The following GRHPR variants were observed in gnomAD, a reference collection of about 807,000 sequenced individuals.
GRHPR encodes the protein glyoxylate reductase/hydroxypyruvate reductase.
Under a neutral mutation model 36.8 loss-of-function variants are expected in GRHPR, and 35 were observed. That is an observed-to-expected ratio of 0.95 (90% CI 0.73 to 1.26). GRHPR has a LOEUF of 1.26. Ranked by LOEUF, GRHPR falls within the 50% of genes most tolerant of loss-of-function variation. GRHPR has a pLI of 0.00. For synonymous variants in GRHPR, 179 were observed against 181.0 expected (o/e 0.99, Z 0.09); for missense variants, 380 against 435.0 (o/e 0.87, Z 1.12).
In GRHPR at chr9:37,436,753, G is replaced by A. The variant is rs1331106064; in HGVS notation, c.958G>A (p.Glu320Lys). The change falls in exon 9 of 9, where the codon GAG (glutamate) becomes AAG (lysine). Residue 320 changes from glutamate to lysine, a missense_variant. Physicochemically the swap from Glu to Lys is moderately conservative, Grantham distance 56 (BLOSUM62 1). Transcript: ENST00000318158. ...CAACTTGCTGGCTGGCCTGAGAGGG[G>A]AGCCGATGCCTAGTGAACTCAAGCT... ...ANNLLAGLRG[E>K]PMPSELKL is the part of the protein sequence containing the mutation. The A allele has an allele frequency of 1.9e-6, 3 of 1,614,064 alleles. No individual in the cohort carries two copies. Among genetic ancestry groups the A allele is most frequent in the Non-Finnish European group, 2.5e-6 (3 of 1,179,956 alleles).
At chr9:37,422,585 T>C (rs995971359), upstream of GRHPR, 5 of 658,514 alleles carry the variant, frequency 7.6e-6, no homozygotes, top group African/African-American at 1.8e-5. Flanking sequence ...GCACGCACAG[T>C]CACCGCTCAG....
chr9:37,425,774 G>T, intron 2 of GRHPR, 148 bp from the exon 3 acceptor site: 1 of 655,580 alleles, frequency 1.5e-6, no homozygotes. Context: ...TGTCAAAGGG[G>T]ATTATTCAGA....
At chr9:37,426,725 G>A (rs915922104) in intron 4 of GRHPR, 71 bp downstream of exon 4, 18 of 855,348 alleles carry the variant, frequency 2.1e-5, no homozygotes, top group African/African-American at 3.3e-5. Flanking sequence ...CAAAGTGAGC[G>A]GATCATGAGG....
At chr9:37,425,885 G>A (rs751024242) in intron 2 of GRHPR, 37 bp from the exon 3 acceptor site, 20 of 1,477,960 alleles carry the variant, frequency 1.4e-5, no homozygotes, top group South Asian at 6.8e-5. Flanking sequence ...TGAGTTCCTC[G>A]AGGAAAGATA....
In GRHPR at chr9:37,422,800, C is replaced by G; in HGVS notation, c.50C>G (p.Ala17Gly). 1 of 1,602,954 alleles carries G rather than the reference C, an allele frequency of 6.2e-7. No homozygotes were observed. The highest frequency in any genetic ancestry group is 8.5e-7 in the Non-Finnish European group (1 of 1,176,148). ...MKVFVTRRIP[A>G]EGRVALARAA... ...GTGTTCGTCACCCGCAGGATACCCG[C>G]CGAGGGTAGGGTCGCGCTCGCCCGG... Residue 17 changes from alanine to glycine, a missense_variant, in exon 1 of 9, where the codon GCC becomes GGC. Physicochemically the swap from Ala to Gly is moderately conservative, Grantham distance 60 (BLOSUM62 0). Transcript: ENST00000318158.
chr9:37,436,817 C>A lies in GRHPR; in HGVS notation c.*35C>A, dbSNP rs1289071698. 1 of 1,612,632 alleles carries A rather than the reference C, an allele frequency of 6.2e-7. No individual in the cohort carries two copies. The highest frequency in any genetic ancestry group is 1.1e-5 in the South Asian group (1 of 90,976). The stretch of plus-strand genomic sequence containing the variant: ...AGAGATGGAGGGCCGGGAAGCAAAC[C>A]GTGCCCTGGTATTGTCAGACACACC... On this transcript the variant is annotated 3_prime_UTR_variant, in exon 9 of 9. Coordinates refer to ENST00000318158, the MANE Select transcript of GRHPR (RefSeq NM_012203.2).
intron 2 of GRHPR, among the ~76,000 whole-genome samples, chr9:37,425,314 T>G (rs1329134586): frequency 6.6e-6 from 1 of 152,244 alleles, no homozygotes; most frequent in Non-Finnish European, 1.5e-5. Flanking sequence ...GTGCGTAGTA[T>G]GAGGGAGGAC....
intron 8 of GRHPR, chr9:37,432,393 G>C: frequency 2.4e-6 from 1 of 418,086 alleles, no homozygotes; most frequent in Non-Finnish European, 4.6e-6. Context: ...TAAAAAAAAA[G>C]AGTGGGCCAG....
intron 2 of GRHPR, 80 bp from the exon 3 acceptor site, chr9:37,425,842 G>A: frequency 1.2e-6 from 1 of 858,656 alleles, no homozygotes; most frequent in Non-Finnish European, 2.0e-6. Flanking sequence ...ATAATAAGCG[G>A]TGTCCCCATG....
chr9:37,423,388 G>T (rs1342119691), intron 1 of GRHPR, among the ~76,000 whole-genome samples: 2 of 151,588 alleles, frequency 1.3e-5, no homozygotes, highest in South Asian at 4.2e-4. Context: ...GCTCAGGCTG[G>T]TCTCAAATTC....
chr9:37,431,140 G>A (rs1414105390), intron 7 of GRHPR: 1 of 419,482 alleles, frequency 2.4e-6, no homozygotes, highest in East Asian at 7.1e-5. Context: ...AGGCCACTGG[G>A]CATGTATGGA....
chr9:37,439,490 G>C (rs1823813934), downstream of GRHPR: 1 of 152,174 alleles, frequency 6.6e-6, no homozygotes, highest in African/African-American at 2.4e-5. Context: ...AACCTGTGTG[G>C]GGCATTTTTG....
chr9:37,436,629 T>TATC lies in GRHPR; in HGVS notation c.866-31_866-29dup, dbSNP rs760060375. 9 of 1,609,160 alleles carry TATC rather than the reference T, an allele frequency of 5.6e-6. No individual in the cohort carries two copies. The South Asian group carries it at 8.8e-5, about 16-fold the overall frequency. On this transcript the variant is annotated intron_variant, in intron 8 of 8. Coordinates refer to ENST00000318158, the MANE Select transcript of GRHPR (RefSeq NM_012203.2). ...CTGAAGGCTGCTGAACCACCCTTCTTATCTCCCTCTCTCTCTCTCTCTCCT... is the reference window on the plus strand; with the variant it reads ...CTGAAGGCTGCTGAACCACCCTTCTTATCATCTCCCTCTCTCTCTCTCTCTCCT...
At chr9:37,426,783 A>C (rs1176609984) in intron 4 of GRHPR, 129 bp downstream of exon 4, 1 of 648,140 alleles carries the variant, frequency 1.5e-6, no homozygotes, top group Non-Finnish European at 2.8e-6. Flanking sequence ...CCCCGTCTCT[A>C]GTAAAAATAC....
rs776638978 is a variant in GRHPR at position 37,422,774 on chromosome 9, G to A, written c.24G>A (p.Lys8=). MRPVRLM[K]VFVTRRIPAE... ...GGATGAGACCGGTGCGACTCATGAA[G>A]GTGTTCGTCACCCGCAGGATACCCG... Residue 8 remains lysine (K), a synonymous_variant, in exon 1 of 9, where the codon AAG becomes AAA. Transcript: ENST00000318158. The A allele has an allele frequency of 6.9e-6, 11 of 1,598,722 alleles. No homozygotes were observed. In the African/African-American group the frequency reaches 1.2e-4, roughly 18 times the overall value.
intron 7 of GRHPR, chr9:37,431,785 G>T (rs182189160): frequency 2.3e-5 from 12 of 514,646 alleles, no homozygotes; most frequent in Admixed American, 1.9e-4. Context: ...GAGGCACAGA[G>T]AATTTGAGAC....
chr9:37,430,449 C>T, intron 6 of GRHPR, 62 bp from the exon 7 acceptor site: 3 of 1,466,460 alleles, frequency 2.0e-6, no homozygotes, highest in Non-Finnish European at 2.9e-6. Flanking sequence ...GGGCTGGTCT[C>T]CCGCCATCTG....
chr9:37,430,914 G>C lies in GRHPR; in HGVS notation c.734+268G>C, dbSNP rs573547033. 13 of 584,290 alleles carry C rather than the reference G, an allele frequency of 2.2e-5. No homozygotes were observed. In the African/African-American group the frequency reaches 2.4e-4, roughly 11 times the overall value. The allele number at this position is 584,290 out of a possible 1,614,324, so 36.2% of individuals were successfully genotyped here. A position where few individuals can be genotyped will look rare whatever the true frequency, so the allele number is the denominator to read the frequency against. Reference sequence around the variant, plus strand: ...TGGCACACAGCAGCGTGGCTTCAGGGAGTGTTCCCAGGGAGCCTCTGCAGG... The same window carrying C: ...TGGCACACAGCAGCGTGGCTTCAGGCAGTGTTCCCAGGGAGCCTCTGCAGG... On this transcript the variant is annotated intron_variant, in intron 7 of 8. Coordinates refer to ENST00000318158, the MANE Select transcript of GRHPR (RefSeq NM_012203.2).
In GRHPR at chr9:37,428,475, T is replaced by C. The variant is rs754245462; in HGVS notation, c.405-9T>C. 6 of 1,588,750 alleles carry C rather than the reference T, an allele frequency of 3.8e-6. No homozygotes were observed. In the Admixed American group the frequency reaches 5.0e-5, roughly 13 times the overall value. On this transcript the variant is annotated splice_polypyrimidine_tract_variant and intron_variant, in intron 4 of 8. Transcript: ENST00000318158. ...TGGGCCTCTCACCTGCCCCTCTCTC[T>C]CCCCTCAGTGGTGGCTGGACCTCGT... is the stretch of plus-strand genomic sequence containing the variant.
Sources: allele counts gnomAD v4.1 joint callset (sites outside exome capture counted in the v4.1 genomes callset), GRCh38; gene constraint gnomAD v4.1.1; transcripts MANE v1.5; gene names NCBI Gene and HGNC (gene_info 2026-07-23, HGNC 2026-07-21).